The following SMARCC1 variants were observed in gnomAD, a reference collection of about 807,000 sequenced individuals.
The protein encoded by SMARCC1 is SWI/SNF complex subunit SMARCC1.
Under a neutral mutation model 147.4 loss-of-function variants are expected in SMARCC1, and 43 were observed. The ratio of observed to expected loss-of-function variants is 0.29; its 90% confidence interval spans 0.23 to 0.38. SMARCC1 has a LOEUF of 0.38. Ranked by LOEUF, SMARCC1 falls within the 10% of genes least tolerant of loss-of-function variation. The pLI, the probability that SMARCC1 is intolerant of heterozygous loss-of-function variation, is 1.00. For missense variants in SMARCC1, 1,119 were observed against 1,381.1 expected (o/e 0.81, Z 3.01); for synonymous variants, 495 against 484.4 (o/e 1.02, Z -0.29).
chr3:47,742,109 G>A (rs1459717129), intron 3 of SMARCC1, among the ~76,000 whole-genome samples: 1 of 152,008 alleles, frequency 6.6e-6, no homozygotes, highest in Non-Finnish European at 1.5e-5. Flanking sequence ...TTACAGGCAT[G>A]AGCCACCACA....
At chr3:47,706,367 C>T (rs747112080) in intron 10 of SMARCC1, 42 bp downstream of exon 10, 10 of 1,461,316 alleles carry the variant, frequency 6.8e-6, no homozygotes, top group Middle Eastern at 2.1e-4. Context: ...CCACCACGTC[C>T]GGCCTGTTTT....
At chr3:47,676,545 T>C (rs2033576729) in intron 17 of SMARCC1, 84 bp downstream of exon 17, 5 of 960,642 alleles carry the variant, frequency 5.2e-6, no homozygotes, top group East Asian at 2.6e-5. Flanking sequence ...CATTATAGTA[T>C]AATAATAATT....
intron 5 of SMARCC1, among the ~76,000 whole-genome samples, chr3:47,730,145 T>G (rs1292750716): frequency 6.6e-6 from 1 of 151,802 alleles, no homozygotes; most frequent in Non-Finnish European, 1.5e-5. Flanking sequence ...CACCACTAGC[T>G]TGGGGGACAG....
chr3:47,719,210 G>A (rs1008518647), intron 7 of SMARCC1, among the ~76,000 whole-genome samples: 2 of 151,882 alleles, frequency 1.3e-5, no homozygotes, highest in African/African-American at 2.4e-5. Flanking sequence ...CACCACGCCC[G>A]GCCCCACTAT....
At chr3:47,653,256 C>T (rs757897680) in intron 21 of SMARCC1, among the ~76,000 whole-genome samples, 4 of 152,212 alleles carry the variant, frequency 2.6e-5, no homozygotes, top group African/African-American at 4.8e-5. Flanking sequence ...GGCGCCCGGC[C>T]GCTTTACTTT....
At chr3:47,718,162 A>G (rs1156518708) in intron 7 of SMARCC1, among the ~76,000 whole-genome samples, 2 of 131,728 alleles carry the variant, frequency 1.5e-5, no homozygotes, top group South Asian at 2.5e-4. Flanking sequence ...AAAAAAAAAA[A>G]GGCCAGGCAC....
intron 14 of SMARCC1, among the ~76,000 whole-genome samples, chr3:47,683,356 G>A (rs1262612610): frequency 6.6e-6 from 1 of 151,904 alleles, no homozygotes; most frequent in Non-Finnish European, 1.5e-5. Flanking sequence ...TATTCAGTTG[G>A]TTTTAAATGT....
chr3:47,600,739 C>A (rs1391278809), intron 26 of SMARCC1, among the ~76,000 whole-genome samples: 2 of 152,074 alleles, frequency 1.3e-5, no homozygotes, highest in Non-Finnish European at 2.9e-5. Context: ...AAATCAATTT[C>A]GCACAAAGCA....
At chr3:47,647,961 A>C (rs1314471748) in intron 21 of SMARCC1, among the ~76,000 whole-genome samples, 1 of 152,106 alleles carries the variant, frequency 6.6e-6, no homozygotes, top group African/African-American at 2.4e-5. Flanking sequence ...ACATAATCAA[A>C]TACTTTCTTG....
At chr3:47,771,255 A>C (rs1489124639) in intron 2 of SMARCC1, among the ~76,000 whole-genome samples, 1 of 152,178 alleles carries the variant, frequency 6.6e-6, no homozygotes, top group African/African-American at 2.4e-5. Context: ...GTAAGTTGTT[A>C]AACGATTTAG....
intron 2 of SMARCC1, among the ~76,000 whole-genome samples, chr3:47,750,146 C>T (rs962054780): frequency 6.6e-6 from 1 of 151,212 alleles, no homozygotes; most frequent in African/African-American, 2.4e-5. Context: ...TTAAAATAGA[C>T]TAATGTAGGC....
chr3:47,673,456 T>C (rs2033530708), intron 18 of SMARCC1, among the ~76,000 whole-genome samples: 1 of 124,180 alleles, frequency 8.1e-6, no homozygotes, highest in Admixed American at 1.1e-4. Context: ...GGGAGGCCAA[T>C]GTGGGTGGAT....
chr3:47,752,545 A>G (rs896808982), intron 2 of SMARCC1, among the ~76,000 whole-genome samples: 1 of 152,150 alleles, frequency 6.6e-6, no homozygotes, highest in Non-Finnish European at 1.5e-5. Flanking sequence ...TAACACGTTG[A>G]GAGGCCGGGA....
rs2033578547 is a variant in SMARCC1, at chr3:47,676,672, T to A, written c.1682A>T (p.Asp561Val). ...CAGAGGCACAAGCCCAGAGGGGGTA[T>A]CAGCTAATACATTAAAATGAGGAGT... ...PPTPHFNVLA[D>V]TPSGLVPLHL... is the part of the protein sequence containing the mutation. Residue 561 changes from aspartate to valine, a missense_variant, in exon 17 of 28, where the codon GAT becomes GTT. Transcript: ENST00000254480. 1 of 1,613,784 alleles carries A rather than the reference T, an allele frequency of 6.2e-7. No individual in the cohort carries two copies. Among genetic ancestry groups the A allele is most frequent in the South Asian group, 1.1e-5 (1 of 91,080 alleles).
At chr3:47,622,606 AC>A (rs2032750347) in intron 24 of SMARCC1, among the ~76,000 whole-genome samples, 1 of 152,040 alleles carries the variant, frequency 6.6e-6, no homozygotes, top group Non-Finnish European at 1.5e-5. Flanking sequence ...GCAAACCAGG[AC>A]CCTGATGGGC....
chr3:47,649,973 C>G lies in SMARCC1; in HGVS notation c.2321-11193G>C, dbSNP rs1443551488. 3.8e-4 allele frequency among the ~76,000 whole-genome samples: 58 copies of G among 152,152 alleles called. 2 individuals are homozygous for G. The highest frequency in any genetic ancestry group is 3.8e-3 in the Admixed American group (58 of 15,268). Reference sequence around the variant, plus strand: ...GCTACAAAGAATCATCGAATGTCTTCAACCTACTTTGAAATAATTCAGGCC... The same window carrying G: ...GCTACAAAGAATCATCGAATGTCTTGAACCTACTTTGAAATAATTCAGGCC... On this transcript the variant is annotated intron_variant, in intron 21 of 27. Coordinates refer to ENST00000254480, the MANE Select transcript of SMARCC1 (RefSeq NM_003074.4).
chr3:47,707,860 T>C (rs896811903), intron 9 of SMARCC1, among the ~76,000 whole-genome samples: 2 of 152,158 alleles, frequency 1.3e-5, no homozygotes, highest in African/African-American at 2.4e-5. Context: ...GCCTAGGCGA[T>C]AGAATGAGAT....
chr3:47,709,377 T>G (rs1224895206), intron 9 of SMARCC1, among the ~76,000 whole-genome samples: 1 of 152,116 alleles, frequency 6.6e-6, no homozygotes, highest in African/African-American at 2.4e-5. Flanking sequence ...AATATCCATC[T>G]CTAAGATTTT....
At chr3:47,690,925 C>A (rs757871625) in intron 12 of SMARCC1, among the ~76,000 whole-genome samples, 3 of 152,188 alleles carry the variant, frequency 2.0e-5, no homozygotes, top group Non-Finnish European at 4.4e-5. Flanking sequence ...AGAAAGAAAT[C>A]TAGGTAAGGC....
Sources: gnomAD v4.1 joint callset for allele counts (sites outside exome capture counted in the v4.1 genomes callset) on GRCh38, gnomAD v4.1.1 for gene constraint, MANE v1.5 for transcripts, NCBI Gene and HGNC (gene_info 2026-07-23, HGNC 2026-07-21) for gene names.